The following ANKDD1A variants were observed in gnomAD, a reference collection of about 807,000 sequenced individuals.
ANKDD1A encodes the protein ankyrin repeat and death domain-containing protein 1A.
A neutral mutation model predicts 63.5 loss-of-function variants in ANKDD1A; 59 were observed. That is an observed-to-expected ratio of 0.93 (90% confidence interval 0.75 to 1.15). The LOEUF is 1.15. Among genes scored for constraint, ANKDD1A ranks in the 50% most tolerant of loss-of-function variants. The probability of loss-of-function intolerance (pLI) is 0.00; values close to 1 mark genes in which losing one functional copy is unlikely to be tolerated. For synonymous variants in ANKDD1A, 266 were observed against 263.9 expected (o/e 1.01, Z -0.08); for missense variants, 632 against 656.4 (o/e 0.96, Z 0.41).
At chr15:64,952,068 TTCTTCTTCTTCCTTCTTTTCTTCC>T (rs2085296322) in intron 14 of ANKDD1A, among the ~76,000 whole-genome samples, 3 of 1,482 alleles carry the variant, frequency 2.0e-3, no homozygotes, top group Non-Finnish European at 3.8e-3. Flanking sequence ...AGTTCTTCCT[TTCTTCTTCTTCCTTCTTTTCTTCC>T]TCTTCTTCCT....
At chr15:64,916,712 A>G (rs1488224541) in intron 2 of ANKDD1A, among the ~76,000 whole-genome samples, 1 of 152,224 alleles carries the variant, frequency 6.6e-6, no homozygotes, top group African/African-American at 2.4e-5. Context: ...GGTAGGAAGG[A>G]GCAGCTGGGC....
chr15:64,944,508 A>G (rs752649695), intron 11 of ANKDD1A, 144 bp from the exon 12 acceptor site: 3 of 659,460 alleles, frequency 4.5e-6, no homozygotes, highest in Non-Finnish European at 7.7e-6. Flanking sequence ...CTTCATGCCC[A>G]GAAAACCAGA....
In ANKDD1A at chr15:64,950,066, C is replaced by G. The variant is rs1237360548; in HGVS notation, c.1483+94C>G. On this transcript the variant is annotated intron_variant, in intron 14 of 14. Transcript: ENST00000319580. Reference sequence around the variant, plus strand: ...TCCAAGGGCTGCTCAGACAAGAATGCTGTGATGCTGGCTCTAGGCCTTCCA... The same window carrying G: ...TCCAAGGGCTGCTCAGACAAGAATGGTGTGATGCTGGCTCTAGGCCTTCCA... 1.9e-6 allele frequency: 3 copies of G among 1,553,864 alleles called. No homozygotes were observed. The East Asian group carries it at 6.9e-5, about 36-fold the overall frequency.
chr15:64,953,150 C>CT (rs542679082), intron 14 of ANKDD1A, among the ~76,000 whole-genome samples: 3 of 21,012 alleles, frequency 1.4e-4, no homozygotes, highest in Non-Finnish European at 6.5e-4. Context: ...CTTCCTTTTT[C>CT]TCCTTTCTTC....
intron 4 of ANKDD1A, among the ~76,000 whole-genome samples, chr15:64,923,146 C>T (rs562466972): frequency 6.6e-6 from 1 of 152,166 alleles, no homozygotes; most frequent in East Asian, 1.9e-4. Flanking sequence ...ACCTCTGAAC[C>T]CCCACAACCT....
chr15:64,955,066 T>C (rs1173081169), intron 14 of ANKDD1A, among the ~76,000 whole-genome samples: 1 of 151,818 alleles, frequency 6.6e-6, no homozygotes, highest in Non-Finnish European at 1.5e-5. Context: ...TCTTTTCTCT[T>C]TTTTTTGATA....
chr15:64,947,407 C>T lies in ANKDD1A; in HGVS notation c.1165C>T (p.His389Tyr), dbSNP rs145884732. 1.9e-6 allele frequency: 3 copies of T among 1,611,644 alleles called. No homozygotes were observed. Among genetic ancestry groups the T allele is most frequent in the Admixed American group, 1.7e-5 (1 of 59,946 alleles). ...ACTTTTGGGATCTGCCCCACAGGAC[C>T]ACCCCAGTGATCCCTCTGGGAAGAG... ...ADRFYRWEKD[H>Y]PSDPSGKSLS... Residue 389 changes from histidine (H) to tyrosine (Y), a missense_variant, in exon 13 of 15, where the codon CAC (histidine) becomes TAC (tyrosine). Physicochemically the swap from His to Tyr is moderately conservative, Grantham distance 83. Transcript: ENST00000319580.
rs773231573 is a variant in ANKDD1A at position 64,926,107 on chromosome 15, T to C, written c.408T>C (p.His136=). ...TGCACTGCGCAGCCCAAAAAGGCCA[T>C]GTGCCTGTGCTGGCGTTCATAATGG... The part of the protein sequence containing the change: ...TLLHCAAQKG[H]VPVLAFIMED... The change falls in exon 5 of 15, where the codon CAT becomes CAC. Residue 136 remains histidine, a synonymous_variant. Transcript: ENST00000319580. The C allele has an allele frequency of 3.1e-6, 5 of 1,614,024 alleles. No homozygotes were observed. The African/African-American group carries it at 4.0e-5, about 13-fold the overall frequency.
intron 14 of ANKDD1A, chr15:64,950,979 A>G: frequency 7.9e-7 from 1 of 1,273,510 alleles, no homozygotes; most frequent in Non-Finnish European, 1.0e-6. Context: ...AAGCAAACGC[A>G]GCCCCGAGTG....
chr15:64,943,172 C>G, intron 10 of ANKDD1A: 2 of 315,562 alleles, frequency 6.3e-6, no homozygotes, highest in East Asian at 6.3e-5. Flanking sequence ...TGAAAATGGC[C>G]TAAATATTTA....
chr15:64,957,703 T>C lies in ANKDD1A; in HGVS notation c.*515T>C, dbSNP rs868760127. Reference sequence around the variant, plus strand: ...AATTATTAACTACTTCCCAAAATAGTATTTCTCTCAGCAGATATTTCTTTG... The same window carrying C: ...AATTATTAACTACTTCCCAAAATAGCATTTCTCTCAGCAGATATTTCTTTG... On this transcript the variant is annotated 3_prime_UTR_variant, in exon 15 of 15. Transcript: ENST00000319580. 2 of 152,272 alleles carry C rather than the reference T, an allele frequency of 1.3e-5. No homozygotes were observed. The highest frequency in any genetic ancestry group is 2.4e-5 in the African/African-American group (1 of 41,446). 9.4% of individuals were successfully genotyped at this position (152,272 alleles called of 1,614,324 possible).
At chr15:64,952,590 TCTTC>T (rs1345711093) in intron 14 of ANKDD1A, among the ~76,000 whole-genome samples, 1,390 of 99,348 alleles carry the variant, frequency 0.014, 20 homozygotes, top group African/African-American at 0.043. Context: ...CTTTTCTTCT[TCTTC>T]CTTCGTCTTC....
At chr15:64,937,524 C>T (rs1034233816) in intron 9 of ANKDD1A, among the ~76,000 whole-genome samples, 3 of 151,936 alleles carry the variant, frequency 2.0e-5, no homozygotes, top group Non-Finnish European at 2.9e-5. Flanking sequence ...GTCAGGAGTT[C>T]GAGACCAGCC....
At chr15:64,939,234 G>T (rs1006402616) in intron 9 of ANKDD1A, among the ~76,000 whole-genome samples, 1 of 152,130 alleles carries the variant, frequency 6.6e-6, no homozygotes, top group East Asian at 1.9e-4. Context: ...AGGAGGTCAA[G>T]GCTGCAGTGA....
At chr15:64,923,862 G>A (rs1166491956) in intron 4 of ANKDD1A, among the ~76,000 whole-genome samples, 1 of 152,196 alleles carries the variant, frequency 6.6e-6, no homozygotes, top group Non-Finnish European at 1.5e-5. Context: ...AGTTGTGAAT[G>A]AGCCTCCATG....
intron 4 of ANKDD1A, among the ~76,000 whole-genome samples, chr15:64,922,894 C>G (rs1384879783): frequency 2.0e-5 from 3 of 152,172 alleles, no homozygotes; most frequent in Non-Finnish European, 4.4e-5. Context: ...TTTCATATCA[C>G]ATGAAAATTT....
chr15:64,941,786 G>T (rs947274036), intron 9 of ANKDD1A, among the ~76,000 whole-genome samples: 2 of 152,114 alleles, frequency 1.3e-5, no homozygotes, highest in Non-Finnish European at 2.9e-5. Flanking sequence ...ATTTACTCAG[G>T]GGGCCACAGG....
At chr15:64,952,973 T>TTGTCTCC (rs374431839) in intron 14 of ANKDD1A, among the ~76,000 whole-genome samples, 1 of 116,438 alleles carries the variant, frequency 8.6e-6, no homozygotes, top group South Asian at 3.2e-4. Context: ...TCTTCTTTTC[T>TTGTCTCC]TCTTGTCTCT....
Position 64,939,578 on chromosome 15 carries a change from C to T in ANKDD1A, c.868-2889C>T, listed in dbSNP as rs185279621. ...TGCAGTCAACTATGATCACACACTGCGCTCCAACCTGCATGACAGATCAAG... is the reference window on the plus strand; with the variant it reads ...TGCAGTCAACTATGATCACACACTGTGCTCCAACCTGCATGACAGATCAAG... On this transcript the variant is annotated intron_variant, in intron 9 of 14. Coordinates refer to ENST00000319580, the MANE Select transcript of ANKDD1A (RefSeq NM_182703.6). Among the ~76,000 whole-genome samples, 65 of 152,214 alleles carry T rather than the reference C, an allele frequency of 4.3e-4. No homozygotes were observed. The East Asian group carries it at 7.1e-3, about 17-fold the overall frequency.
Sources: gnomAD v4.1 joint callset for allele counts (sites outside exome capture counted in the v4.1 genomes callset) on GRCh38, gnomAD v4.1.1 for gene constraint, MANE v1.5 for transcripts, NCBI Gene and HGNC (gene_info 2026-07-23, HGNC 2026-07-21) for gene names.